PCDH15: variants seen among roughly 807,000 people sequenced by gnomAD.
The protein encoded by PCDH15 is protocadherin-15.
In PCDH15, 129 loss-of-function variants were observed where a neutral mutation model predicts 178.5. The observed-to-expected ratio is 0.72, with a 90% CI of 0.63 to 0.84. The LOEUF is 0.84. Ranked by LOEUF, PCDH15 falls within the 40% of genes least tolerant of loss-of-function variation. PCDH15 has a pLI of 0.00. For synonymous variants in PCDH15, 800 were observed against 732.0 expected, an observed-to-expected ratio of 1.09 and a Z score of -1.50; for missense variants, 2,230 against 2,099.9, an observed-to-expected ratio of 1.06 and a Z score of -1.21.
At chr10:55,244,729 A>C (rs1356853785) in intron 1 of PCDH15, among the ~76,000 whole-genome samples, 1 of 151,684 alleles carries the variant, frequency 6.6e-6, no homozygotes, top group Admixed American at 6.6e-5. Context: ...GAGATACATT[A>C]ATGTCAGAAT....
chr10:55,265,311 G>GAT (rs146070132), intron 1 of PCDH15, among the ~76,000 whole-genome samples: 10,863 of 144,100 alleles, frequency 0.075, 553 homozygotes, highest in Non-Finnish European at 0.1. Flanking sequence ...GTATCTCTAT[G>GAT]ATATATATAT....
At chr10:55,453,050 T>C (rs1344523262) in intron 2 of PCDH15, among the ~76,000 whole-genome samples, 3 of 152,172 alleles carry the variant, frequency 2.0e-5, no homozygotes, top group African/African-American at 7.2e-5. Context: ...TAAATACAAA[T>C]AAACTAAATA....
At chr10:54,341,403 A>G (rs985305539) in intron 6 of PCDH15, among the ~76,000 whole-genome samples, 5 of 152,028 alleles carry the variant, frequency 3.3e-5, no homozygotes, top group Admixed American at 3.3e-4. Context: ...AAGATACACC[A>G]TGCTTCTCCT....
At chr10:55,305,452 C>T (rs1051931517) in intron 1 of PCDH15, among the ~76,000 whole-genome samples, 1 of 152,164 alleles carries the variant, frequency 6.6e-6, no homozygotes, top group Non-Finnish European at 1.5e-5. Flanking sequence ...GTCCTCATAC[C>T]AAAGTGAAAG....
chr10:54,657,651 A>C (rs1270318346), intron 2 of PCDH15, among the ~76,000 whole-genome samples: 1 of 152,210 alleles, frequency 6.6e-6, no homozygotes, highest in East Asian at 1.9e-4. Context: ...AAAGCACCCC[A>C]AAACAAAGCA....
chr10:54,485,725 T>G (rs2079054892), intron 3 of PCDH15, among the ~76,000 whole-genome samples: 5 of 151,990 alleles, frequency 3.3e-5, no homozygotes, highest in Admixed American at 3.3e-4. Context: ...AGCCATTTAT[T>G]TTTCAAAAGT....
chr10:54,999,540 C>T (rs768447250), intron 2 of PCDH15, among the ~76,000 whole-genome samples: 21 of 152,050 alleles, frequency 1.4e-4, no homozygotes, highest in Admixed American at 4.6e-4. Context: ...ATGACGGCTG[C>T]GATGGTGTGT....
In PCDH15 at chr10:55,294,726, T is replaced by C. The variant is rs79631504; in HGVS notation, c.-156+24873A>G. 7.4e-3 allele frequency among the ~76,000 whole-genome samples: 1,131 copies of C among 152,294 alleles called. 18 individuals carry two copies. Among genetic ancestry groups the C allele is most frequent in the African/African-American group, 0.026 (1,094 of 41,558 alleles). ...GCCTATGAACATATTGAATAGTCAGTTATGTAAGGACCTGAACTCAGGAAT... is the reference window on the plus strand; with the variant it reads ...GCCTATGAACATATTGAATAGTCAGCTATGTAAGGACCTGAACTCAGGAAT... On this transcript the variant is annotated intron_variant, in intron 1 of 5. Transcript: ENST00000458638.
intron 2 of PCDH15, among the ~76,000 whole-genome samples, chr10:55,383,173 T>A (rs1289137221): frequency 6.6e-6 from 1 of 152,066 alleles, no homozygotes; most frequent in Admixed American, 6.6e-5. Context: ...AAGAAGGGGA[T>A]CTTTTCCTGA....
intron 8 of PCDH15, among the ~76,000 whole-genome samples, chr10:54,269,230 T>C (rs2057896809): frequency 1.3e-5 from 2 of 151,946 alleles, no homozygotes; most frequent in African/African-American, 2.4e-5. Flanking sequence ...AACAAACCAA[T>C]AGGTGTTTTT....
chr10:55,310,560 T>G (rs918089792), intron 1 of PCDH15, among the ~76,000 whole-genome samples: 3 of 152,214 alleles, frequency 2.0e-5, no homozygotes, highest in Non-Finnish European at 4.4e-5. Flanking sequence ...ACATACAGCA[T>G]GTGTTAAAAA....
intron 3 of PCDH15, among the ~76,000 whole-genome samples, chr10:54,419,813 G>A (rs1195767901): frequency 6.6e-6 from 1 of 152,106 alleles, no homozygotes; most frequent in Admixed American, 6.6e-5. Context: ...ACTAAAAGCA[G>A]ATGGCAGAAC....
intron 3 of PCDH15, among the ~76,000 whole-genome samples, chr10:54,810,243 G>A (rs1181885077): frequency 6.6e-6 from 1 of 151,892 alleles, no homozygotes; most frequent in African/African-American, 2.4e-5. Context: ...AATAAGTTTC[G>A]GATTCTCATT....
chr10:54,017,003 A>G lies in PCDH15; in HGVS notation c.2751+3189T>C, dbSNP rs189036374. Among the ~76,000 whole-genome samples the G allele has an allele frequency of 5.9e-3, 904 of 152,292 alleles. 24 individuals are homozygous for G. The highest frequency in any genetic ancestry group is 5.0e-3 in the Non-Finnish European group (341 of 68,014). The stretch of plus-strand genomic sequence containing the variant: ...TATGTTTTCAGTTACAAGAGACAAC[A>G]TATGTTAAGATATAACATTTATTTT... On this transcript the variant is annotated intron_variant, in intron 20 of 37. Transcript: ENST00000644397.
chr10:54,520,182 G>A (rs1033074314), intron 3 of PCDH15, among the ~76,000 whole-genome samples: 4 of 152,140 alleles, frequency 2.6e-5, no homozygotes, highest in Non-Finnish European at 5.9e-5. Context: ...AACACCAAAA[G>A]CAATGGCAAC....
At chr10:54,760,675 T>G (rs1947765567) in intron 1 of PCDH15, among the ~76,000 whole-genome samples, 1 of 152,184 alleles carries the variant, frequency 6.6e-6, no homozygotes, top group Non-Finnish European at 1.5e-5. Flanking sequence ...TTATCAGGAC[T>G]GTGAACATCA....
intron 23 of PCDH15, among the ~76,000 whole-genome samples, chr10:53,953,051 C>T (rs1181375121): frequency 6.6e-6 from 1 of 152,234 alleles, no homozygotes. Context: ...TCCAGCCCCT[C>T]CAACTCAGAA....
chr10:55,286,115 C>A (rs2132262772), intron 1 of PCDH15, among the ~76,000 whole-genome samples: 1 of 151,988 alleles, frequency 6.6e-6, no homozygotes, highest in Non-Finnish European at 1.5e-5. Context: ...AATACCTACG[C>A]ATGTTTCTTT....
At chr10:54,055,862 T>C (rs191286410) in intron 18 of PCDH15, among the ~76,000 whole-genome samples, 1 of 152,256 alleles carries the variant, frequency 6.6e-6, no homozygotes, top group Non-Finnish European at 1.5e-5. Context: ...CTTCTCACTT[T>C]CTAACCCAGA....
Sources: allele counts gnomAD v4.1 joint callset (sites outside exome capture counted in the v4.1 genomes callset), GRCh38; gene constraint gnomAD v4.1.1; transcripts MANE v1.5; gene names NCBI Gene and HGNC (gene_info 2026-07-23, HGNC 2026-07-21).